Variants in C13orf46 observed in about 807,000 individuals in gnomAD.
The protein encoded by C13orf46 is chromosome 13 open reading frame 46.
At chr13:113,952,519 C>T (rs966589913), downstream of C13orf46, among the ~76,000 whole-genome samples, 3 of 152,206 alleles carry the variant, frequency 2.0e-5, no homozygotes, top group African/African-American at 7.2e-5. Context: ...CTGACAGCCT[C>T]GCTCACTTAC....
At chr13:113,944,480 C>T in the C13orf46 span, among the ~76,000 whole-genome samples, 1 of 152,232 alleles carries the variant, frequency 6.6e-6, no homozygotes, top group Non-Finnish European at 1.5e-5. Flanking sequence ...TGGAAATGTT[C>T]CCCTTGCGGC....
chr13:113,928,563 C>CGAGTGTGGGAAT, the C13orf46 span: 32,807 of 152,660 alleles, frequency 0.21, 4,100 homozygotes, highest in African/African-American at 0.34. Flanking sequence ...CCACACCCCA[C>CGAGTGTGGGAAT]CCTCGCTGCA....
At chr13:113,927,792 A>T in the C13orf46 span, 2 of 394,764 alleles carry the variant, frequency 5.1e-6, no homozygotes, top group Admixed American at 8.9e-5. Context: ...ATGATTTTTC[A>T]TAGCCAGGGT....
the C13orf46 span, among the ~76,000 whole-genome samples, chr13:113,931,188 C>T: frequency 2.0e-4 from 31 of 152,346 alleles, no homozygotes; most frequent in African/African-American, 7.2e-4. Context: ...CCAGAGGTAA[C>T]CCCAATGCTG....
At chr13:113,957,783 A>C (rs1333979742) in intron 6 of C13orf46, among the ~76,000 whole-genome samples, 1 of 116,902 alleles carries the variant, frequency 8.6e-6, no homozygotes, top group Non-Finnish European at 1.7e-5. Flanking sequence ...TCTCCCCTGC[A>C]CTCTGCCTGC....
intron 4 of C13orf46, among the ~76,000 whole-genome samples, chr13:113,968,113 C>A (rs1433948536): frequency 6.6e-6 from 1 of 152,208 alleles, no homozygotes; most frequent in African/African-American, 2.4e-5. Context: ...CACGGTGCCA[C>A]GTGAGAACCC....
chr13:113,936,570 A>G, the C13orf46 span, among the ~76,000 whole-genome samples: 2 of 152,208 alleles, frequency 1.3e-5, no homozygotes, highest in African/African-American at 4.8e-5. Context: ...ATAGAGAAAC[A>G]GTTTTACACA....
intron 6 of C13orf46, among the ~76,000 whole-genome samples, chr13:113,962,745 C>T (rs2052597246): frequency 6.6e-6 from 1 of 152,202 alleles, no homozygotes; most frequent in Admixed American, 6.5e-5. Flanking sequence ...GAGATTTCGA[C>T]CCAGGATTGT....
At chr13:113,945,320 C>A in the C13orf46 span, among the ~76,000 whole-genome samples, 1 of 151,902 alleles carries the variant, frequency 6.6e-6, no homozygotes, top group Non-Finnish European at 1.5e-5. Flanking sequence ...CCAAGACAGG[C>A]GGATCACGAG....
chr13:113,936,912 T>C, the C13orf46 span, among the ~76,000 whole-genome samples: 1 of 152,012 alleles, frequency 6.6e-6, no homozygotes, highest in African/African-American at 2.4e-5. Flanking sequence ...AGTTGGGAAG[T>C]TGCATATTTT....
chr13:113,937,384 C>T, the C13orf46 span, among the ~76,000 whole-genome samples: 480 of 152,316 alleles, frequency 3.2e-3, 9 homozygotes, highest in East Asian at 0.035. Context: ...GCCGTAAACC[C>T]GCACAGGTTA....
chr13:113,952,326 CA>C (rs2052492408), downstream of C13orf46, among the ~76,000 whole-genome samples: 8 of 112,516 alleles, frequency 7.1e-5, no homozygotes, highest in Non-Finnish European at 1.8e-4. Context: ...TCCGCCTGCC[CA>C]GGGCCGCTGT....
chr13:113,953,786 G>A lies in C13orf46; in HGVS notation c.*2987C>T, dbSNP rs1360190765. ...GAGCTGCCGCCTCCTGCCCCACCAA[G>A]GGGACAAACCAACCGTATTTCCGGA... On this transcript the variant is annotated 3_prime_UTR_variant, in exon 7 of 7. Transcript: ENST00000636427. 6.6e-6 allele frequency: 1 copy of A among 152,274 alleles called. No individual in the cohort carries two copies. The highest frequency in any genetic ancestry group is 1.9e-4 in the East Asian group (1 of 5,184). 9.4% of individuals were successfully genotyped at this position (152,274 alleles called of 1,614,324 possible). A position where few individuals can be genotyped will look rare whatever the true frequency, so the allele number is the denominator to read the frequency against.
chr13:113,948,125 CA>C, the C13orf46 span, among the ~76,000 whole-genome samples: 5 of 152,358 alleles, frequency 3.3e-5, no homozygotes, highest in South Asian at 1.0e-3. Flanking sequence ...CCTGAGCACA[CA>C]TTTATATCTG....
At chr13:113,936,265 T>C in the C13orf46 span, among the ~76,000 whole-genome samples, 2 of 152,262 alleles carry the variant, frequency 1.3e-5, no homozygotes, top group South Asian at 4.2e-4. Context: ...CCATGAGTGT[T>C]GATAGAACAT....
At chr13:113,947,688 G>A in the C13orf46 span, among the ~76,000 whole-genome samples, 2 of 152,214 alleles carry the variant, frequency 1.3e-5, no homozygotes, top group African/African-American at 4.8e-5. Context: ...TCCACCTCCC[G>A]AGATTCCTTG....
At chr13:113,949,822 C>T (rs1295374559), downstream of C13orf46, among the ~76,000 whole-genome samples, 1 of 151,562 alleles carries the variant, frequency 6.6e-6, no homozygotes. Context: ...GCCTTGGGGA[C>T]CTTGGTGCTC....
intron 5 of C13orf46, among the ~76,000 whole-genome samples, chr13:113,965,749 ATGATGG>A (rs1180359069): frequency 5.1e-5 from 4 of 78,292 alleles, no homozygotes; most frequent in Admixed American, 1.2e-4. Flanking sequence ...GATGATGGTG[ATGATGG>A]TGATGGTGAT....
chr13:113,936,179 C>T, the C13orf46 span, among the ~76,000 whole-genome samples: 1 of 152,214 alleles, frequency 6.6e-6, no homozygotes, highest in Non-Finnish European at 1.5e-5. Context: ...TGCTTGGAGT[C>T]TCTGGGTGAG....
Sources: gnomAD v4.1 joint callset for allele counts (sites outside exome capture counted in the v4.1 genomes callset) on GRCh38, gnomAD v4.1.1 for gene constraint, MANE v1.5 for transcripts, NCBI Gene and HGNC (gene_info 2026-07-23, HGNC 2026-07-21) for gene names.